Variants in CHRM3 observed in about 807,000 individuals in gnomAD.
The protein encoded by CHRM3 is cholinergic receptor muscarinic 3.
A neutral mutation model predicts 41.8 loss-of-function variants in CHRM3; 11 were observed. The ratio of observed to expected loss-of-function variants is 0.26; its 90% CI spans 0.17 to 0.44. CHRM3 has a LOEUF of 0.44. Among genes scored for constraint, CHRM3 ranks in the 20% least tolerant of loss-of-function variants. The probability of loss-of-function intolerance (pLI) is 1.00; values close to 1 mark genes in which losing one functional copy is unlikely to be tolerated. For missense variants in CHRM3, 571 were observed against 745.4 expected (o/e 0.77, Z 2.72); for synonymous variants, 297 against 301.4 (o/e 0.99, Z 0.15).
At chr1:239,648,190 G>C (rs983891775) in intron 4 of CHRM3, among the ~76,000 whole-genome samples, 1 of 152,118 alleles carries the variant, frequency 6.6e-6, no homozygotes, top group Non-Finnish European at 1.5e-5. Flanking sequence ...CCAAGCTCAT[G>C]AGTGTCTCTT....
At chr1:239,879,669 G>A (rs12060413) in intron 6 of CHRM3, among the ~76,000 whole-genome samples, 2,642 of 152,240 alleles carry the variant, frequency 0.017, 88 homozygotes, top group African/African-American at 0.059. Context: ...TGCAGAATCC[G>A]GCAGCAATGA....
At chr1:239,542,119 T>G (rs190257087) in intron 2 of CHRM3, among the ~76,000 whole-genome samples, 34 of 152,218 alleles carry the variant, frequency 2.2e-4, no homozygotes, top group African/African-American at 8.2e-4. Flanking sequence ...ATCATCTTGA[T>G]ATTATACTAT....
chr1:239,514,823 T>C (rs901331465), intron 2 of CHRM3, among the ~76,000 whole-genome samples: 1 of 152,142 alleles, frequency 6.6e-6, no homozygotes, highest in African/African-American at 2.4e-5. Context: ...TTCTGACTCC[T>C]GGCTGCCGAA....
At chr1:239,729,433 C>A (rs1016360185) in intron 5 of CHRM3, among the ~76,000 whole-genome samples, 18 of 151,902 alleles carry the variant, frequency 1.2e-4, no homozygotes, top group Non-Finnish European at 2.5e-4. Context: ...AATAGATGAA[C>A]TCTGGTTATT....
intron 6 of CHRM3, among the ~76,000 whole-genome samples, chr1:239,867,284 C>G (rs1163710123): frequency 6.6e-6 from 1 of 152,168 alleles, no homozygotes; most frequent in Non-Finnish European, 1.5e-5. Flanking sequence ...ACATACAAAA[C>G]CAGTGTTCTG....
At chr1:239,702,815 C>A (rs1051493121) in intron 5 of CHRM3, among the ~76,000 whole-genome samples, 5 of 152,218 alleles carry the variant, frequency 3.3e-5, no homozygotes, top group Non-Finnish European at 7.3e-5. Flanking sequence ...TTATATATTT[C>A]TGTGCAGACC....
chr1:239,692,884 A>C (rs1193866100), intron 5 of CHRM3, among the ~76,000 whole-genome samples: 1 of 152,186 alleles, frequency 6.6e-6, no homozygotes, highest in East Asian at 1.9e-4. Flanking sequence ...GACCTGGCTA[A>C]AGAGAAGACA....
intron 3 of CHRM3, among the ~76,000 whole-genome samples, chr1:239,599,702 C>G (rs1665273220): frequency 6.6e-6 from 1 of 152,162 alleles, no homozygotes; most frequent in African/African-American, 2.4e-5. Flanking sequence ...CTTAGCCTAG[C>G]CTACCTTAAA....
intron 3 of CHRM3, among the ~76,000 whole-genome samples, chr1:239,551,456 C>T (rs1323373192): frequency 6.6e-6 from 1 of 151,286 alleles, no homozygotes; most frequent in Non-Finnish European, 1.5e-5. Flanking sequence ...GCCACTGCAC[C>T]TGGCCTATGT....
At chr1:239,670,749 A>T (rs997672866) in intron 4 of CHRM3, among the ~76,000 whole-genome samples, 6 of 142,950 alleles carry the variant, frequency 4.2e-5, no homozygotes, top group African/African-American at 1.6e-4. Flanking sequence ...GCTGGTCTCG[A>T]ACTCCCAACC....
chr1:239,394,992 G>T (rs1659356763), intron 1 of CHRM3, among the ~76,000 whole-genome samples: 2 of 152,170 alleles, frequency 1.3e-5, no homozygotes, highest in South Asian at 4.2e-4. Context: ...GAGGTTTATA[G>T]CAATGACTTC....
intron 1 of CHRM3, among the ~76,000 whole-genome samples, chr1:239,463,855 A>G (rs1294974103): frequency 6.6e-6 from 1 of 152,124 alleles, no homozygotes; most frequent in Admixed American, 6.5e-5. Context: ...TCTCCCCGCC[A>G]GCTCCTGGCA....
chr1:239,721,460 G>C (rs776844337), intron 5 of CHRM3, among the ~76,000 whole-genome samples: 39 of 151,900 alleles, frequency 2.6e-4, no homozygotes, highest in Non-Finnish European at 4.9e-4. Flanking sequence ...TTAATGTTTT[G>C]GAAGGTTCTA....
chr1:239,842,054 A>G (rs1157483772), intron 6 of CHRM3, among the ~76,000 whole-genome samples: 1 of 152,186 alleles, frequency 6.6e-6, no homozygotes, highest in Non-Finnish European at 1.5e-5. Context: ...TCCTTGTTTC[A>G]TGAATGAGGT....
chr1:239,801,618 G>A (rs939784262), intron 5 of CHRM3, among the ~76,000 whole-genome samples: 2 of 152,232 alleles, frequency 1.3e-5, no homozygotes, highest in Admixed American at 1.3e-4. Flanking sequence ...TCACAAATAT[G>A]TACTTTTCCT....
intron 5 of CHRM3, among the ~76,000 whole-genome samples, chr1:239,698,110 A>C (rs1309475091): frequency 6.6e-6 from 1 of 152,186 alleles, no homozygotes; most frequent in Non-Finnish European, 1.5e-5. Flanking sequence ...AAGAACTGAC[A>C]AGCCAAGTTT....
intron 2 of CHRM3, among the ~76,000 whole-genome samples, chr1:239,537,901 T>TCTATATGA (rs1453147634): frequency 6.6e-6 from 1 of 152,204 alleles, no homozygotes; most frequent in Admixed American, 6.5e-5. Flanking sequence ...TGAAACTCAG[T>TCTATATGA]CTATATGAGC....
In CHRM3 at chr1:239,618,273, C is replaced by CTTTTTTTTTTTT. The variant is rs11413091; in HGVS notation, c.-312-13948_-312-13947insTTTTTTTTTTTT. Among the ~76,000 whole-genome samples, 71 of 112,984 alleles carry CTTTTTTTTTTTT rather than the reference C, an allele frequency of 6.3e-4. 4 individuals are homozygous for CTTTTTTTTTTTT. The highest frequency in any genetic ancestry group is 4.9e-3 in the Middle Eastern group (1 of 204). The allele number at this position is 112,984 out of a possible 152,430, so 74.1% of individuals were successfully genotyped here. On this transcript the variant is annotated intron_variant, in intron 3 of 6. Transcript: ENST00000676153. Reference sequence around the variant, plus strand: ...TAGAGAGTAGGAGTACTTTTTTTTTCTTTCTTTTTTTTTTTTTTTTTTAAT... The same window carrying CTTTTTTTTTTTT: ...TAGAGAGTAGGAGTACTTTTTTTTTCTTTTTTTTTTTTTTTCTTTTTTTTTTTTTTTTTTAAT...
intron 5 of CHRM3, chr1:239,707,135 T>C (rs1443083809): frequency 6.6e-6 from 1 of 152,176 alleles, no homozygotes; most frequent in East Asian, 1.9e-4. Flanking sequence ...CTATGTAAGG[T>C]GGGGATAAAT....
Sources: gnomAD v4.1 joint callset for allele counts (sites outside exome capture counted in the v4.1 genomes callset) on GRCh38, gnomAD v4.1.1 for gene constraint, MANE v1.5 for transcripts, NCBI Gene and HGNC (gene_info 2026-07-23, HGNC 2026-07-21) for gene names.